The following RGS6 variants were observed in gnomAD, a reference collection of about 807,000 sequenced individuals.
The protein encoded by RGS6 is regulator of G protein signaling 6.
RGS6 carries 30 observed loss-of-function variants against 78.5 expected under a neutral mutation model. The ratio of observed to expected loss-of-function variants is 0.38; its 90% CI spans 0.29 to 0.52. The LOEUF is 0.52. Ranked by LOEUF, RGS6 falls within the 20% of genes least tolerant of loss-of-function variation. The pLI is 0.85. For missense variants in RGS6, 495 were observed against 609.7 expected (o/e 0.81, Z 1.98); for synonymous variants, 206 against 206.0 (o/e 1.00, Z 0.00).
chr14:72,592,115 C>T, the RGS6 span, among the ~76,000 whole-genome samples: 26 of 152,300 alleles, frequency 1.7e-4, no homozygotes, highest in African/African-American at 6.0e-4. Flanking sequence ...TCAGTGATTC[C>T]ATGGGAACAA....
chr14:71,875,499 A>G, the RGS6 span, among the ~76,000 whole-genome samples: 4 of 152,010 alleles, frequency 2.6e-5, no homozygotes, highest in African/African-American at 9.7e-5. Flanking sequence ...TATCCCCTTT[A>G]TCATTTTTTA....
intron 12 of RGS6, among the ~76,000 whole-genome samples, chr14:72,482,045 C>T (rs577472291): frequency 1.4e-4 from 22 of 152,134 alleles, no homozygotes; most frequent in South Asian, 1.0e-3. Flanking sequence ...CTCCTGACGT[C>T]GTGATCCGCC....
At chr14:72,225,158 C>T (rs847314) in intron 2 of RGS6, among the ~76,000 whole-genome samples, 47,951 of 151,908 alleles carry the variant, frequency 0.32, 8,514 homozygotes, top group South Asian at 0.45. Context: ...GCTCCTGGGT[C>T]GGGCTTAGCC....
At chr14:72,297,223 T>C (rs2065015513) in intron 2 of RGS6, among the ~76,000 whole-genome samples, 1 of 152,122 alleles carries the variant, frequency 6.6e-6, no homozygotes, top group Admixed American at 6.5e-5. Context: ...TTCAACTTTG[T>C]TCTTCTATTT....
chr14:72,162,160 C>G (rs932874928), intron 2 of RGS6, among the ~76,000 whole-genome samples: 1 of 146,598 alleles, frequency 6.8e-6, no homozygotes, highest in African/African-American at 2.6e-5. Context: ...CATTAACTAG[C>G]GTAAAATACC....
In RGS6 at chr14:72,390,184, G is replaced by A. The variant is rs550191333; in HGVS notation, c.184+37990G>A. 5.5e-5 allele frequency among the ~76,000 whole-genome samples: 8 copies of A among 146,032 alleles called. 1 individual carries two copies. The South Asian group carries it at 1.1e-3, about 20-fold the overall frequency. ...GCGATCTCAGCTCACTGCAACCTCC[G>A]CTTCCCGGGTTGAAGCGATTTTCCT... On this transcript the variant is annotated intron_variant, in intron 3 of 17. Transcript: ENST00000553525.
intron 15 of RGS6, among the ~76,000 whole-genome samples, chr14:72,525,127 T>C (rs11158960): frequency 0.21 from 31,994 of 152,196 alleles, 4,245 homozygotes; most frequent in African/African-American, 0.38. Context: ...TAAATGCTGA[T>C]AATTCATTCC....
At chr14:72,043,891 G>A (rs1333007776) in intron 2 of RGS6, among the ~76,000 whole-genome samples, 1 of 152,008 alleles carries the variant, frequency 6.6e-6, no homozygotes, top group Non-Finnish European at 1.5e-5. Flanking sequence ...ACAGTTCTTG[G>A]AAGGTCGCTG....
chr14:72,458,721 C>T (rs777678792), intron 5 of RGS6, among the ~76,000 whole-genome samples: 6 of 152,194 alleles, frequency 3.9e-5, no homozygotes, highest in Admixed American at 6.5e-5. Flanking sequence ...CCAGCAGATT[C>T]GGTGTCTGGT....
chr14:72,361,553 C>T (rs1387917501), intron 3 of RGS6, among the ~76,000 whole-genome samples: 4 of 151,814 alleles, frequency 2.6e-5, no homozygotes, highest in African/African-American at 9.7e-5. Context: ...TTGGCAGGGA[C>T]AATAATATAA....
At chr14:71,994,069 G>A (rs1248956597) in intron 2 of RGS6, among the ~76,000 whole-genome samples, 1 of 151,776 alleles carries the variant, frequency 6.6e-6, no homozygotes, top group Non-Finnish European at 1.5e-5. Context: ...CCAAACTATA[G>A]TTTAGTCTTC....
intron 2 of RGS6, among the ~76,000 whole-genome samples, chr14:72,290,751 T>A (rs1304024966): frequency 2.0e-5 from 3 of 152,208 alleles, no homozygotes; most frequent in Non-Finnish European, 4.4e-5. Context: ...GTGCTCAATT[T>A]GCACCTATGT....
At chr14:72,510,405 G>A in intron 14 of RGS6, 126 bp downstream of exon 14, 2 of 1,233,726 alleles carry the variant, frequency 1.6e-6, no homozygotes, top group Admixed American at 1.9e-5. Flanking sequence ...CAGCTAATCT[G>A]GCTGAGGTTG....
intron 2 of RGS6, among the ~76,000 whole-genome samples, chr14:72,348,020 G>A (rs2078389062): frequency 6.6e-6 from 1 of 152,126 alleles, no homozygotes; most frequent in African/African-American, 2.4e-5. Context: ...ACTCACTCTG[G>A]GATCCACAGC....
At chr14:72,289,595 G>T (rs1422426338) in intron 2 of RGS6, among the ~76,000 whole-genome samples, 2 of 152,116 alleles carry the variant, frequency 1.3e-5, no homozygotes, top group Non-Finnish European at 2.9e-5. Context: ...TTCACGCTGG[G>T]AGGTAGTTAC....
chr14:72,185,773 A>G (rs1381836149), intron 2 of RGS6, among the ~76,000 whole-genome samples: 1 of 152,174 alleles, frequency 6.6e-6, no homozygotes, highest in African/African-American at 2.4e-5. Context: ...GGGAGACCCC[A>G]TCTCTACAAA....
At chr14:72,220,603 C>T (rs847319) in intron 2 of RGS6, among the ~76,000 whole-genome samples, 50,604 of 151,980 alleles carry the variant, frequency 0.33, 9,262 homozygotes, top group South Asian at 0.47. Context: ...TGGCTGCTTC[C>T]GTATAGTATT....
chr14:72,599,575 A>ATT, the RGS6 span, among the ~76,000 whole-genome samples: 71 of 103,228 alleles, frequency 6.9e-4, no homozygotes, highest in South Asian at 5.9e-3. Context: ...CGCCTGGCTA[A>ATT]TTTTTTTTTT....
At chr14:71,887,104 G>A in the RGS6 span, among the ~76,000 whole-genome samples, 4 of 152,218 alleles carry the variant, frequency 2.6e-5, no homozygotes, top group African/African-American at 7.2e-5. Flanking sequence ...TGGAGCTGCA[G>A]CAGAGGAACG....
Sources: gnomAD v4.1 joint callset for allele counts (sites outside exome capture counted in the v4.1 genomes callset) on GRCh38, gnomAD v4.1.1 for gene constraint, MANE v1.5 for transcripts, NCBI Gene and HGNC (gene_info 2026-07-23, HGNC 2026-07-21) for gene names.